Variants in MACF1 observed in about 807,000 individuals in gnomAD.
The protein encoded by MACF1 is microtubule-actin cross-linking factor 1.
A neutral mutation model predicts 854.8 loss-of-function variants in MACF1; 193 were observed. That is an observed-to-expected ratio of 0.23 (90% CI 0.20 to 0.25). The LOEUF is 0.25. Ranked by LOEUF, MACF1 falls within the 10% of genes least tolerant of loss-of-function variation. The pLI, the probability that MACF1 is intolerant of heterozygous loss-of-function variation, is 1.00. For synonymous variants in MACF1, 3,185 were observed against 3,226.7 expected (o/e 0.99, Z 0.44); for missense variants, 7,722 against 8,929.1 (o/e 0.86, Z 5.45).
Position 39,318,585 on chromosome 1 carries a change from A to G in MACF1, c.3915A>G (p.Arg1305=). 1 of 1,612,364 alleles carries G rather than the reference A, an allele frequency of 6.2e-7. No individual in the cohort carries two copies. The highest frequency in any genetic ancestry group is 8.5e-7 in the Non-Finnish European group (1 of 1,179,090). The change falls in exon 30 of 101, where the codon AGA becomes AGG. Residue 1305 remains arginine, a synonymous_variant. Transcript: ENST00000564288. The part of the protein sequence containing the change: ...MMKPGQAEDS[R]VLSEQLSQQT... ...AGCCAGGCCAGGCAGAGGATAGCAG[A>G]GTGCTTTCGGAGCAGCTCAGCCAGC...
chr1:39,462,546 C>T (rs1314208365), intron 93 of MACF1, among the ~76,000 whole-genome samples: 12 of 31,454 alleles, frequency 3.8e-4, no homozygotes, highest in Admixed American at 4.6e-4. Flanking sequence ...CTGTCCCCCC[C>T]GCCAAAAAAA....
rs558293382 is a variant in MACF1 at position 39,149,352 on chromosome 1, G to A, written c.220+64914G>A. On this transcript the variant is annotated intron_variant, in intron 2 of 93. Transcript: ENST00000361689. Reference sequence around the variant, plus strand: ...TTCGAGACCAGTATGGTGAAACCCCGTCTCTACTAAAAAGACAAAAAATAG... The same window carrying A: ...TTCGAGACCAGTATGGTGAAACCCCATCTCTACTAAAAAGACAAAAAATAG... Among the ~76,000 whole-genome samples, 6 of 152,012 alleles carry A rather than the reference G, an allele frequency of 3.9e-5. No individual in the cohort carries two copies. The East Asian group carries it at 5.8e-4, about 15-fold the overall frequency.
chr1:39,318,713 T>C (rs1436036396), intron 30 of MACF1, 98 bp downstream of exon 30: 1 of 1,253,922 alleles, frequency 8.0e-7, no homozygotes, highest in Non-Finnish European at 1.1e-6. Flanking sequence ...TTCCTCCAAA[T>C]GGAAGATATC....
intron 2 of MACF1, among the ~76,000 whole-genome samples, chr1:39,114,459 A>G (rs1466670273): frequency 1.3e-5 from 2 of 152,056 alleles, no homozygotes; most frequent in Admixed American, 1.3e-4. Context: ...AAACTTCATT[A>G]TGGAAACACA....
intron 58 of MACF1, among the ~76,000 whole-genome samples, chr1:39,400,950 T>C (rs1354426132): frequency 6.6e-6 from 1 of 152,146 alleles, no homozygotes; most frequent in Admixed American, 6.6e-5. Flanking sequence ...TAAAGTAAAA[T>C]TAGTTTGATA....
chr1:39,380,582 G>C (rs984516285), intron 55 of MACF1, among the ~76,000 whole-genome samples: 1 of 152,126 alleles, frequency 6.6e-6, no homozygotes, highest in Admixed American at 6.6e-5. Context: ...GCTTTCTTGG[G>C]CAAGTCAAAC....
At chr1:39,250,202 T>C in intron 3 of MACF1, 99 bp downstream of exon 3, 1 of 717,030 alleles carries the variant, frequency 1.4e-6, no homozygotes, top group East Asian at 2.7e-5. Context: ...CACTGTTTCA[T>C]CTATTAGAGG....
chr1:39,306,485 G>GT (rs1221391038), intron 23 of MACF1, among the ~76,000 whole-genome samples: 1 of 151,668 alleles, frequency 6.6e-6, no homozygotes, highest in Non-Finnish European at 1.5e-5. Context: ...TAATTGTTTT[G>GT]TTTTTTAGTT....
intron 58 of MACF1, chr1:39,414,611 T>G: frequency 7.4e-7 from 1 of 1,351,418 alleles, no homozygotes; most frequent in East Asian, 2.3e-5. Flanking sequence ...TAGTTTGTAG[T>G]CTTTCTGTTC....
At chr1:39,369,960 G>C in intron 50 of MACF1, 70 bp from the exon 51 acceptor site, 1 of 1,413,768 alleles carries the variant, frequency 7.1e-7, no homozygotes, top group Non-Finnish European at 9.7e-7. Flanking sequence ...GTCACAGAAT[G>C]AACTACTCTT....
chr1:39,326,697 A>T (rs111745074), intron 35 of MACF1, among the ~76,000 whole-genome samples: 22,859 of 149,170 alleles, frequency 0.15, 2,279 homozygotes, highest in Middle Eastern at 0.22. Flanking sequence ...AAAAAAAAAA[A>T]AAAAGAGAGA....
Position 39,460,742 on chromosome 1 carries a change from C to T in MACF1, c.21471C>T (p.Asp7157=), listed in dbSNP as rs1048545525. The T allele has an allele frequency of 5.6e-6, 9 of 1,613,984 alleles. No individual in the cohort carries two copies. The African/African-American group carries it at 1.2e-4, about 22-fold the overall frequency. Residue 7157 remains aspartate, a synonymous_variant, in exon 92 of 101, where the codon GAC becomes GAT. Coordinates refer to ENST00000564288, the MANE Select transcript of MACF1 (RefSeq NM_001394062.1). This position sits in a 1 kb window ranked among gnomAD's most constrained non-coding sequence, Gnocchi z 4.1. ...ATTTCTTCCGGCGCATTGATAAGGA[C>T]CAGGATGGGAAGATAACACGTCAGG... is the stretch of plus-strand genomic sequence containing the variant. The part of the protein sequence containing the change: ...VMDFFRRIDK[D]QDGKITRQEF...
intron 6 of MACF1, among the ~76,000 whole-genome samples, chr1:39,259,335 C>G (rs1645131084): frequency 6.6e-6 from 1 of 152,098 alleles, no homozygotes; most frequent in Non-Finnish European, 1.5e-5. Flanking sequence ...GTTCTTGGCT[C>G]ACTGCAACCT....
chr1:39,262,137 C>T (rs919981492), intron 6 of MACF1, among the ~76,000 whole-genome samples: 1 of 152,074 alleles, frequency 6.6e-6, no homozygotes. Flanking sequence ...TGCAATGGCT[C>T]ACACCTGTAA....
At chr1:39,123,203 A>AATTT (rs1234461899) in intron 2 of MACF1, among the ~76,000 whole-genome samples, 2 of 111,918 alleles carry the variant, frequency 1.8e-5, no homozygotes, top group South Asian at 3.0e-4. Flanking sequence ...ATATATATAA[A>AATTT]TTTTTTTTTT....
Position 39,443,464 on chromosome 1 carries a change from G to A in MACF1, c.19321G>A (p.Glu6441Lys). 1.9e-6 allele frequency: 3 copies of A among 1,612,868 alleles called. No homozygotes were observed. The highest frequency in any genetic ancestry group is 2.5e-6 in the Non-Finnish European group (3 of 1,179,644). Reference protein sequence around the residue: ...TLQQAQGFHSEIEDFLLELTR... With the variant: ...TLQQAQGFHSKIEDFLLELTR... ...TCAAAAGGCCCAGGGCTTCCACAGT[G>A]AAATTGAAGATTTCCTCTTGGAACT... Residue 6441 changes from glutamate to lysine, a missense_variant, in exon 79 of 101, where the codon GAA becomes AAA. Coordinates refer to ENST00000564288, the MANE Select transcript of MACF1 (RefSeq NM_001394062.1).
At chr1:39,380,147 C>T in intron 54 of MACF1, 97 bp from the exon 55 acceptor site, 4 of 1,244,596 alleles carry the variant, frequency 3.2e-6, no homozygotes, top group Non-Finnish European at 4.6e-6. Flanking sequence ...CTAGTAGAGT[C>T]TATAATAACT....
chr1:39,210,493 C>A (rs936198585), intron 1 of MACF1, among the ~76,000 whole-genome samples: 1 of 151,950 alleles, frequency 6.6e-6, no homozygotes, highest in Non-Finnish European at 1.5e-5. Flanking sequence ...CTCTACCATG[C>A]CTGGCTCTTT....
At chr1:39,363,698 C>A (rs892976510) in intron 49 of MACF1, among the ~76,000 whole-genome samples, 1 of 151,734 alleles carries the variant, frequency 6.6e-6, no homozygotes, top group African/African-American at 2.4e-5. Context: ...TAACCTCAAC[C>A]TCCACTTGGG....
Sources: gnomAD v4.1 joint callset for allele counts (sites outside exome capture counted in the v4.1 genomes callset) on GRCh38, gnomAD v4.1.1 for gene constraint, Gnocchi (gnomAD v3.1) non-coding constraint, MANE v1.5 for transcripts, NCBI Gene and HGNC (gene_info 2026-07-23, HGNC 2026-07-21) for gene names.